Variants in PCDHGA1 observed in about 807,000 individuals in gnomAD.
The protein encoded by PCDHGA1 is protocadherin gamma-A1.
A neutral mutation model predicts 58.0 loss-of-function variants in PCDHGA1; 32 were observed. That is an observed-to-expected ratio of 0.55 (90% confidence interval 0.42 to 0.74). PCDHGA1 has a LOEUF of 0.74. PCDHGA1 is among the 30% of genes least tolerant of loss of function. The pLI is 0.00. For missense variants in PCDHGA1, 1,205 were observed against 1,182.3 expected, an observed-to-expected ratio of 1.02 and a Z score of -0.28; for synonymous variants, 498 against 501.1, an observed-to-expected ratio of 0.99 and a Z score of 0.08.
chr5:141,439,680 A>T (rs1478261632), intron 1 of PCDHGA1, among the ~76,000 whole-genome samples: 1 of 152,236 alleles, frequency 6.6e-6, no homozygotes, highest in African/African-American at 2.4e-5. Context: ...ATCCAAGAGC[A>T]GACCCACAAC....
chr5:141,333,761 A>G (rs1756482894), intron 1 of PCDHGA1: 1 of 153,024 alleles, frequency 6.5e-6, no homozygotes, highest in African/African-American at 2.4e-5. Context: ...ATCATGGCTC[A>G]CTGCAGCCAC....
intron 1 of PCDHGA1, chr5:141,352,771 C>A (rs1480666897): frequency 8.1e-7 from 1 of 1,227,378 alleles, no homozygotes; most frequent in Non-Finnish European, 1.1e-6. Flanking sequence ...AGGTGGATCA[C>A]TTGAGGTCAG....
chr5:141,505,676 C>A (rs1308943385), intron 3 of PCDHGA1, among the ~76,000 whole-genome samples, 195 bp downstream of exon 3: 1 of 152,060 alleles, frequency 6.6e-6, no homozygotes, highest in South Asian at 2.1e-4. Context: ...GGTTGGGGGT[C>A]CTGGGATGCC....
chr5:141,365,654 G>C (rs952946348), intron 1 of PCDHGA1: 3 of 1,613,496 alleles, frequency 1.9e-6, no homozygotes, highest in Non-Finnish European at 1.7e-6. Flanking sequence ...CCCCTTGAAA[G>C]TAGCAGACGT....
intron 1 of PCDHGA1, chr5:141,399,646 AGT>A: frequency 6.2e-7 from 1 of 1,613,790 alleles, no homozygotes; most frequent in African/African-American, 1.3e-5. Context: ...GAGCGCGCAA[AGT>A]GGGGTGGTGT....
intron 1 of PCDHGA1, chr5:141,352,190 G>A: frequency 6.2e-7 from 1 of 1,613,874 alleles, no homozygotes; most frequent in East Asian, 2.2e-5. Flanking sequence ...CGCTGTGCGT[G>A]ATGGAGGACA....
At chr5:141,362,220 C>G in intron 1 of PCDHGA1, 1 of 1,614,046 alleles carries the variant, frequency 6.2e-7, no homozygotes, top group Non-Finnish European at 8.5e-7. Context: ...TGGTTGTGGC[C>G]TTGGCCTTGA....
In PCDHGA1 at chr5:141,489,574, C is replaced by T. The variant is rs963768096; in HGVS notation, c.2422-5233C>T. The T allele has an allele frequency of 2.5e-6, 4 of 1,613,978 alleles. No homozygotes were observed. The highest frequency in any genetic ancestry group is 3.4e-6 in the Non-Finnish European group (4 of 1,180,014). ...GCTGCCAGTGCAGGTGGTGACTGAA[C>T]ACCCCCTGGAGCTAATCCGTGTAGA... On this transcript the variant is annotated intron_variant, in intron 1 of 3. Coordinates refer to ENST00000517417, the MANE Select transcript of PCDHGA1 (RefSeq NM_018912.3). This position sits in a 1 kb window ranked among gnomAD's most constrained non-coding sequence, Gnocchi z 4.5.
chr5:141,427,192 A>G (rs1191677237), intron 1 of PCDHGA1: 2 of 456,566 alleles, frequency 4.4e-6, no homozygotes, highest in African/African-American at 4.0e-5. Flanking sequence ...AAATCCAAAG[A>G]CTTAATAGAC....
chr5:141,332,388 C>G lies in PCDHGA1; in HGVS notation c.1704C>G (p.Pro568=). Residue 568 remains proline, a synonymous_variant, in exon 1 of 4, where the codon CCC becomes CCG. Coordinates refer to ENST00000517417, the MANE Select transcript of PCDHGA1 (RefSeq NM_018912.3). This position sits in a 1 kb window ranked among gnomAD's most constrained non-coding sequence, Gnocchi z 4.6. Reference sequence around the variant, plus strand: ...CCGAGATCCTGTACCCCGCCCTCCCCACAGATGGTTCTACCGGCGTGGAGC... The same window carrying G: ...CCGAGATCCTGTACCCCGCCCTCCCGACAGATGGTTCTACCGGCGTGGAGC... ...NAPEILYPAL[P]TDGSTGVELA... 1.2e-6 allele frequency: 2 copies of G among 1,614,230 alleles called. No homozygotes were observed. The highest frequency in any genetic ancestry group is 1.7e-6 in the Non-Finnish European group (2 of 1,180,050).
intron 1 of PCDHGA1, among the ~76,000 whole-genome samples, chr5:141,381,816 CT>C (rs747432194): frequency 4.2e-4 from 52 of 122,544 alleles, no homozygotes; most frequent in Admixed American, 1.7e-3. Flanking sequence ...TTCTTTCTTT[CT>C]TTCTTCTTCT....
At chr5:141,395,053 A>G (rs1210765378) in intron 1 of PCDHGA1, 1 of 1,614,062 alleles carries the variant, frequency 6.2e-7, no homozygotes, top group African/African-American at 1.3e-5. Flanking sequence ...GAGGAGGTAC[A>G]GGCTTTCCTG....
intron 1 of PCDHGA1, chr5:141,339,454 C>G (rs780869328): frequency 1.9e-6 from 3 of 1,614,100 alleles, no homozygotes; most frequent in Non-Finnish European, 2.5e-6. Context: ...ATGATGCAGA[C>G]GTAGGTGAGA....
chr5:141,356,910 T>A lies in PCDHGA1; in HGVS notation c.2421+23805T>A, dbSNP rs187434280. On this transcript the variant is annotated intron_variant, in intron 1 of 3. Coordinates refer to ENST00000517417, the MANE Select transcript of PCDHGA1 (RefSeq NM_018912.3). ...TCCTGTACCCCACCTTCCCTACTGA[T>A]GGCTCCACTGGTGTGGAGCTGGCAC... The A allele has an allele frequency of 3.6e-5, 58 of 1,614,140 alleles. No homozygotes were observed. The African/African-American group carries it at 7.2e-4, about 20-fold the overall frequency.
intron 2 of PCDHGA1, among the ~76,000 whole-genome samples, chr5:141,498,277 G>T (rs1216561939): frequency 6.6e-6 from 1 of 151,924 alleles, no homozygotes; most frequent in African/African-American, 2.4e-5. Flanking sequence ...CAGTAAACTT[G>T]GTTCAAGATC....
chr5:141,363,393 A>G (rs906655840), intron 1 of PCDHGA1, among the ~76,000 whole-genome samples: 2 of 152,232 alleles, frequency 1.3e-5, no homozygotes, highest in Non-Finnish European at 2.9e-5. Flanking sequence ...TTCTGTTGTC[A>G]TATAAAGATG....
intron 1 of PCDHGA1, chr5:141,388,948 T>A (rs751779962): frequency 1.9e-6 from 3 of 1,614,022 alleles, no homozygotes; most frequent in Non-Finnish European, 2.5e-6. Context: ...AACCTAATTA[T>A]GGAGGACGCC....
chr5:141,422,969 G>C (rs1269760845), intron 1 of PCDHGA1: 2 of 1,614,202 alleles, frequency 1.2e-6, no homozygotes, highest in South Asian at 2.2e-5. Flanking sequence ...CTGGCGCCCC[G>C]CTCTGCGGAA....
chr5:141,408,112 C>T, intron 1 of PCDHGA1: 1 of 1,460,448 alleles, frequency 6.8e-7, no homozygotes, highest in African/African-American at 1.4e-5. Flanking sequence ...CCCGGGACTC[C>T]TCCTGTCCTG....
Sources: allele counts gnomAD v4.1 joint callset (sites outside exome capture counted in the v4.1 genomes callset), GRCh38; gene constraint gnomAD v4.1.1; non-coding constraint Gnocchi (gnomAD v3.1); transcripts MANE v1.5; gene names NCBI Gene and HGNC (gene_info 2026-07-23, HGNC 2026-07-21).